Variants in PLD5 observed in about 807,000 individuals in gnomAD.
The protein encoded by PLD5 is inactive phospholipase D5.
PLD5 carries 36 observed loss-of-function variants against 61.1 expected under a neutral mutation model. The ratio of observed to expected loss-of-function variants is 0.59; its 90% confidence interval spans 0.45 to 0.78. The LOEUF (loss-of-function observed/expected upper bound fraction) is 0.78, where lower values mean the gene tolerates loss of function less well. PLD5 is among the 30% of genes least tolerant of loss of function. The probability of loss-of-function intolerance (pLI) is 0.00; values close to 1 mark genes in which losing one functional copy is unlikely to be tolerated. For missense variants in PLD5, 515 were observed against 644.4 expected, an observed-to-expected ratio of 0.80 and a Z score of 2.17; for synonymous variants, 243 against 242.8, an observed-to-expected ratio of 1.00 and a Z score of -0.01.
chr1:242,395,997 G>A (rs1354991178), intron 1 of PLD5, among the ~76,000 whole-genome samples: 8 of 152,108 alleles, frequency 5.3e-5, no homozygotes, highest in Non-Finnish European at 1.5e-5. Flanking sequence ...GCAGTGAGGC[G>A]AGATTGCGCC....
chr1:242,494,285 C>T (rs1668289871), intron 1 of PLD5, among the ~76,000 whole-genome samples: 1 of 152,132 alleles, frequency 6.6e-6, no homozygotes, highest in South Asian at 2.1e-4. Context: ...CTGTTCTGTA[C>T]ACCAGGCACA....
chr1:242,208,096 C>G (rs1352227019), intron 5 of PLD5, among the ~76,000 whole-genome samples: 1 of 148,056 alleles, frequency 6.8e-6, no homozygotes, highest in Non-Finnish European at 1.5e-5. Context: ...ATCATGGCTT[C>G]CTGAAGCCTT....
At chr1:242,186,988 C>T (rs1175360489) in intron 5 of PLD5, among the ~76,000 whole-genome samples, 4 of 152,170 alleles carry the variant, frequency 2.6e-5, no homozygotes, top group Non-Finnish European at 4.4e-5. Context: ...AAAAGTAATA[C>T]ATGCATATTA....
At chr1:242,226,891 CTG>C (rs1180221425) in intron 4 of PLD5, among the ~76,000 whole-genome samples, 1 of 152,000 alleles carries the variant, frequency 6.6e-6, no homozygotes, top group African/African-American at 2.4e-5. Flanking sequence ...GGAAATAATT[CTG>C]TGTTAAAATT....
At chr1:242,466,664 G>A (rs555208949) in intron 1 of PLD5, among the ~76,000 whole-genome samples, 7 of 152,218 alleles carry the variant, frequency 4.6e-5, no homozygotes, top group East Asian at 1.9e-4. Flanking sequence ...AGGCCAAGGC[G>A]GGCAGATGAC....
intron 1 of PLD5, among the ~76,000 whole-genome samples, chr1:242,497,818 T>C (rs1668420004): frequency 6.6e-6 from 1 of 152,232 alleles, no homozygotes; most frequent in Non-Finnish European, 1.5e-5. Context: ...TCAGGCACTA[T>C]GCCAAGCACT....
intron 5 of PLD5, among the ~76,000 whole-genome samples, chr1:242,143,677 AG>A (rs1262732720): frequency 6.6e-6 from 1 of 152,172 alleles, no homozygotes; most frequent in Non-Finnish European, 1.5e-5. Flanking sequence ...TAGTACATTA[AG>A]GAGTGGGTGA....
At chr1:242,175,375 A>G (rs1667068932) in intron 5 of PLD5, among the ~76,000 whole-genome samples, 1 of 152,190 alleles carries the variant, frequency 6.6e-6, no homozygotes, top group East Asian at 1.9e-4. Flanking sequence ...TAGATGCAGA[A>G]AAGGCCTTCA....
chr1:242,213,942 T>C (rs71648696), intron 5 of PLD5, among the ~76,000 whole-genome samples: 48,358 of 151,610 alleles, frequency 0.32, 7,806 homozygotes, highest in South Asian at 0.43. Flanking sequence ...CCATTCAGGT[T>C]GCAGACAATG....
At chr1:242,303,871 T>C (rs116398992) in intron 2 of PLD5, among the ~76,000 whole-genome samples, 5 of 152,226 alleles carry the variant, frequency 3.3e-5, no homozygotes, top group Non-Finnish European at 4.4e-5. Context: ...ATATGTGATT[T>C]TTCCCTTTCC....
intron 1 of PLD5, among the ~76,000 whole-genome samples, chr1:242,400,189 A>AAAAG (rs1491578222): frequency 7.5e-4 from 34 of 45,456 alleles, no homozygotes; most frequent in African/African-American, 4.0e-3. Flanking sequence ...AAAAGAAAAG[A>AAAAG]AAAAAAAAAA....
intron 8 of PLD5, among the ~76,000 whole-genome samples, chr1:242,105,684 G>A (rs1037706260): frequency 1.3e-5 from 2 of 151,996 alleles, no homozygotes; most frequent in African/African-American, 4.8e-5. Flanking sequence ...CTCAATAATA[G>A]AAAATAAGTA....
chr1:242,413,505 A>G (rs1664666985), intron 1 of PLD5, among the ~76,000 whole-genome samples: 2 of 152,238 alleles, frequency 1.3e-5, no homozygotes, highest in South Asian at 4.1e-4. Flanking sequence ...TATACCAAGA[A>G]CAATGAATAT....
intron 5 of PLD5, among the ~76,000 whole-genome samples, chr1:242,168,635 G>A (rs2148868586): frequency 1.3e-5 from 2 of 152,236 alleles, no homozygotes; most frequent in Admixed American, 1.3e-4. Flanking sequence ...CTGATGATAT[G>A]CAAACCAAGC....
chr1:242,342,022 G>A (rs1659862338), intron 2 of PLD5, among the ~76,000 whole-genome samples: 1 of 152,102 alleles, frequency 6.6e-6, no homozygotes, highest in African/African-American at 2.4e-5. Flanking sequence ...GGTGACACAT[G>A]CTTATCAATA....
intron 1 of PLD5, among the ~76,000 whole-genome samples, chr1:242,400,995 G>A (rs1476883306): frequency 3.9e-5 from 6 of 152,160 alleles, no homozygotes; most frequent in Non-Finnish European, 1.5e-5. Context: ...GCCCTGGACT[G>A]TTCTAACTGC....
Position 242,329,358 on chromosome 1 carries a change from C to G in PLD5, c.326+18748G>C, listed in dbSNP as rs1307282705. Among the ~76,000 whole-genome samples, 2 of 152,048 alleles carry G rather than the reference C, an allele frequency of 1.3e-5. 1 individual carries two copies. The highest frequency in any genetic ancestry group is 4.1e-4 in the South Asian group (2 of 4,820). On this transcript the variant is annotated intron_variant, in intron 2 of 9. Coordinates refer to ENST00000536534, the MANE Select transcript of PLD5 (RefSeq NM_001372062.1). ...TTTGGTGTTTATGTGAAGGTGAGTC[C>G]TGAAGCCTCCTCTTATCCTCCACCT...
intron 1 of PLD5, among the ~76,000 whole-genome samples, chr1:242,431,909 T>C (rs1665739693): frequency 6.6e-6 from 1 of 152,194 alleles, no homozygotes; most frequent in Admixed American, 6.5e-5. Flanking sequence ...TTAAGTATCC[T>C]AATCCTACCG....
intron 1 of PLD5, among the ~76,000 whole-genome samples, chr1:242,371,136 T>C (rs1359712548): frequency 1.3e-5 from 2 of 152,202 alleles, no homozygotes; most frequent in African/African-American, 4.8e-5. Context: ...CGGGTGTAAC[T>C]GGCAAGTAAT....
Sources: gnomAD v4.1 joint callset for allele counts (sites outside exome capture counted in the v4.1 genomes callset) on GRCh38, gnomAD v4.1.1 for gene constraint, MANE v1.5 for transcripts, NCBI Gene and HGNC (gene_info 2026-07-23, HGNC 2026-07-21) for gene names.